SGCD: variants seen among roughly 807,000 people sequenced by gnomAD.
SGCD encodes sarcoglycan delta.
Under a neutral mutation model 36.6 loss-of-function variants are expected in SGCD, and 18 were observed. The ratio of observed to expected loss-of-function variants is 0.49; its 90% CI spans 0.34 to 0.73. The LOEUF (loss-of-function observed/expected upper bound fraction) is 0.73, where lower values mean the gene tolerates loss of function less well. Ranked by LOEUF, SGCD falls within the 30% of genes least tolerant of loss-of-function variation. SGCD has a pLI of 0.01. For synonymous variants in SGCD, 133 were observed against 130.6 expected (o/e 1.02, Z -0.12); for missense variants, 387 against 346.7 (o/e 1.12, Z -0.92).
intron 3 of SGCD, among the ~76,000 whole-genome samples, chr5:156,384,678 C>G (rs1254286572): frequency 1.3e-5 from 2 of 152,094 alleles, no homozygotes; most frequent in Non-Finnish European, 2.9e-5. Flanking sequence ...ATTTTTTTCC[C>G]CCATCCACTA....
At position 156,757,588 on chromosome 5, in the gene SGCD, T is replaced by G. The variant is rs1757386889; in HGVS notation, c.583T>G (p.Ser195Ala). 1 of 1,597,426 alleles carries G rather than the reference T, an allele frequency of 6.3e-7. No individual in the cohort carries two copies. The highest frequency in any genetic ancestry group is 8.5e-7 in the Non-Finnish European group (1 of 1,171,300). ...ATCTTGGGTGTTTTTCAGGTTGGAGTCCCCAACCCGGTCTCTAGTGATGGA... is the reference window on the plus strand; with the variant it reads ...ATCTTGGGTGTTTTTCAGGTTGGAGGCCCCAACCCGGTCTCTAGTGATGGA... ...ADPFKELRLE[S>A]PTRSLVMEAP... Residue 195 changes from serine to alanine, a missense_variant, in exon 8 of 9, where the codon TCC becomes GCC. Physicochemically the swap from Ser to Ala is moderately conservative, Grantham distance 99. Transcript: ENST00000337851.
chr5:155,843,132 G>A, the SGCD span, among the ~76,000 whole-genome samples: 1,232 of 152,244 alleles, frequency 8.1e-3, 15 homozygotes, highest in Middle Eastern at 0.031. Context: ...GGTATCTTAC[G>A]TGAGGATTAT....
At chr5:156,351,292 G>C (rs543341175) in intron 3 of SGCD, among the ~76,000 whole-genome samples, 2 of 152,106 alleles carry the variant, frequency 1.3e-5, no homozygotes, top group African/African-American at 4.8e-5. Context: ...TTCATGTGAA[G>C]CATTATTAGC....
At position 156,311,995 on chromosome 5, in the gene SGCD, C is replaced by T. The variant is rs1767402025; in HGVS notation, c.-43-17539C>T. Among the ~76,000 whole-genome samples, 6 of 152,188 alleles carry T rather than the reference C, an allele frequency of 3.9e-5. No individual in the cohort carries two copies. In the South Asian group the frequency reaches 1.0e-3, roughly 26 times the overall value. On this transcript the variant is annotated intron_variant, in intron 3 of 9. Transcript: ENST00000517913. ...ATGAATGTAAAGTAACAGTTCCATG[C>T]CATAGCTAGCTAAGGGCATGAGTAG...
Position 156,477,458 on chromosome 5 carries a change from C to T in SGCD, c.193-31143C>T, listed in dbSNP as rs187351764. Among the ~76,000 whole-genome samples, 60 of 152,236 alleles carry T rather than the reference C, an allele frequency of 3.9e-4. No homozygotes were observed. In the East Asian group the frequency reaches 4.2e-3, roughly 11 times the overall value. On this transcript the variant is annotated intron_variant, in intron 3 of 8. Coordinates refer to ENST00000337851, the MANE Select transcript of SGCD (RefSeq NM_000337.6). ...TCATCTGACCAATTTGAGTCACAAA[C>T]AATCTCATTTCAATTATTCTAGACA... is the stretch of plus-strand genomic sequence containing the variant.
At chr5:155,852,577 G>T in the SGCD span, among the ~76,000 whole-genome samples, 1 of 152,070 alleles carries the variant, frequency 6.6e-6, no homozygotes. Flanking sequence ...GAAGTAGGAG[G>T]ATGGAACAAA....
intron 1 of SGCD, among the ~76,000 whole-genome samples, chr5:156,035,828 G>C (rs1024921167): frequency 6.6e-6 from 1 of 152,156 alleles, no homozygotes; most frequent in Non-Finnish European, 1.5e-5. Context: ...GGAACACAAA[G>C]TGATAATCTT....
intron 3 of SGCD, among the ~76,000 whole-genome samples, chr5:156,487,177 C>A (rs114529757): frequency 0.02 from 3,064 of 152,250 alleles, 100 homozygotes; most frequent in African/African-American, 0.064. Context: ...TCAAGCAAAG[C>A]CTCACCACAG....
intron 3 of SGCD, among the ~76,000 whole-genome samples, chr5:156,286,860 T>G (rs890740229): frequency 6.6e-6 from 1 of 151,648 alleles, no homozygotes; most frequent in South Asian, 2.1e-4. Flanking sequence ...TGAGATAGGG[T>G]CAGTCAGGGT....
the SGCD span, among the ~76,000 whole-genome samples, chr5:155,806,178 G>C: frequency 6.6e-6 from 1 of 151,930 alleles, no homozygotes; most frequent in African/African-American, 2.4e-5. Context: ...GTGTGGGGAC[G>C]GAGTCTCACT....
At chr5:156,265,435 G>A (rs1052936554) in intron 3 of SGCD, among the ~76,000 whole-genome samples, 4 of 151,476 alleles carry the variant, frequency 2.6e-5, no homozygotes, top group African/African-American at 9.7e-5. Context: ...TCCTCATTAC[G>A]TTTTCTGCCA....
intron 7 of SGCD, among the ~76,000 whole-genome samples, chr5:156,738,354 A>G (rs1756484455): frequency 6.6e-6 from 1 of 152,288 alleles, no homozygotes; most frequent in East Asian, 1.9e-4. Flanking sequence ...ATATGCAGTC[A>G]CCTTGGAAAC....
At chr5:156,535,701 A>C (rs1758076367) in intron 4 of SGCD, among the ~76,000 whole-genome samples, 1 of 152,202 alleles carries the variant, frequency 6.6e-6, no homozygotes, top group African/African-American at 2.4e-5. Flanking sequence ...CTATTTTTAC[A>C]CAATGATGAA....
the SGCD span, among the ~76,000 whole-genome samples, chr5:155,771,484 C>T: frequency 4.0e-5 from 6 of 151,312 alleles, no homozygotes; most frequent in Admixed American, 3.3e-4. Context: ...AGGGCAGTGG[C>T]GTGATATCAG....
chr5:156,012,177 A>G (rs1758872436), intron 1 of SGCD, among the ~76,000 whole-genome samples: 1 of 152,240 alleles, frequency 6.6e-6, no homozygotes, highest in South Asian at 2.1e-4. Context: ...ACTTTAGCAG[A>G]TAATCATTAT....
chr5:155,862,238 C>A, the SGCD span, among the ~76,000 whole-genome samples: 2 of 151,814 alleles, frequency 1.3e-5, no homozygotes, highest in African/African-American at 4.8e-5. Context: ...AAATATTTTC[C>A]TAAATATTTA....
rs1284520633 is a variant in SGCD, at chr5:156,761,965, G to A, written c.*2575G>A. 6.6e-6 allele frequency: 1 copy of A among 152,468 alleles called. No homozygotes were observed. The allele number at this position is 152,468 out of a possible 1,614,324, so 9.4% of individuals were successfully genotyped here. On this transcript the variant is annotated 3_prime_UTR_variant, in exon 9 of 9. Transcript: ENST00000337851. Reference sequence around the variant, plus strand: ...AAGTAATAAGCAGGAAATTTGATATGGGTTAAATTATGCATTTTGTTCAGA... The same window carrying A: ...AAGTAATAAGCAGGAAATTTGATATAGGTTAAATTATGCATTTTGTTCAGA...
intron 3 of SGCD, among the ~76,000 whole-genome samples, chr5:156,195,131 G>C (rs1763991423): frequency 1.3e-5 from 2 of 152,120 alleles, no homozygotes; most frequent in South Asian, 4.1e-4. Context: ...TGTAAATGGT[G>C]TTGTCAAAAT....
intron 6 of SGCD, among the ~76,000 whole-genome samples, chr5:156,610,815 C>G (rs901180190): frequency 6.6e-6 from 1 of 152,222 alleles, no homozygotes. Flanking sequence ...GTGAGCAAGG[C>G]TCTGTGGGCG....
Sources: allele counts gnomAD v4.1 joint callset (sites outside exome capture counted in the v4.1 genomes callset), GRCh38; gene constraint gnomAD v4.1.1; transcripts MANE v1.5; gene names NCBI Gene and HGNC (gene_info 2026-07-23, HGNC 2026-07-21).